Variants in SLC4A10 observed in about 807,000 individuals in gnomAD.
SLC4A10 encodes the protein solute carrier family 4 member 10, also known as sodium-driven chloride bicarbonate exchanger.
Under a neutral mutation model 137.7 loss-of-function variants are expected in SLC4A10, and 42 were observed. The ratio of observed to expected loss-of-function variants is 0.30; its 90% CI spans 0.24 to 0.39. The LOEUF is 0.39. Among genes scored for constraint, SLC4A10 ranks in the 10% least tolerant of loss-of-function variants. SLC4A10 has a pLI of 1.00. For missense variants in SLC4A10, 925 were observed against 1,355.0 expected, an observed-to-expected ratio of 0.68 and a Z score of 4.98; for synonymous variants, 474 against 464.1, an observed-to-expected ratio of 1.02 and a Z score of -0.27.
At chr2:161,775,215 T>A (rs966845403) in intron 2 of SLC4A10, among the ~76,000 whole-genome samples, 3 of 151,896 alleles carry the variant, frequency 2.0e-5, no homozygotes, top group Non-Finnish European at 4.4e-5. Flanking sequence ...CAATTGCAGC[T>A]GCCATATCAG....
At chr2:161,877,176 G>A (rs894884035) in intron 8 of SLC4A10, among the ~76,000 whole-genome samples, 6 of 151,746 alleles carry the variant, frequency 4.0e-5, no homozygotes, top group African/African-American at 1.5e-4. Flanking sequence ...AGTTGCCCGA[G>A]GCACAGACTT....
intron 5 of SLC4A10, among the ~76,000 whole-genome samples, chr2:161,858,905 G>A (rs1456938791): frequency 6.6e-6 from 1 of 152,158 alleles, no homozygotes; most frequent in Non-Finnish European, 1.5e-5. Context: ...AGAGTTGGGA[G>A]TATAGGAATA....
chr2:161,973,255 C>T (rs1401160796), intron 23 of SLC4A10, among the ~76,000 whole-genome samples: 1 of 152,046 alleles, frequency 6.6e-6, no homozygotes, highest in Non-Finnish European at 1.5e-5. Flanking sequence ...TTTTAAATGG[C>T]CTGAAGTATT....
chr2:161,754,111 C>T (rs2125320982), intron 1 of SLC4A10, among the ~76,000 whole-genome samples: 1 of 151,930 alleles, frequency 6.6e-6, no homozygotes, highest in African/African-American at 2.4e-5. Context: ...CGGGGTTTGG[C>T]TAGGCTGGTT....
chr2:161,957,094 A>T lies in SLC4A10; in HGVS notation c.2647A>T (p.Thr883Ser), dbSNP rs749289079. The change falls in exon 20 of 27, where the codon ACT becomes TCT. Residue 883 changes from threonine to serine, a missense_variant. Thr to Ser is a moderately conservative substitution (Grantham distance 58). Around this residue, in one of 11 missense-constraint regions of SLC4A10, gnomAD observed 115 missense variants for 237.5 expected, o/e 0.48. Coordinates refer to ENST00000446997, the MANE Select transcript of SLC4A10 (RefSeq NM_001178015.2). ...TGTGGCTGCCACAGTCCTCTCCATC[A>T]CTCATGTCAATAGCCTAAAACTGGA... ...WFVAATVLSI[T>S]HVNSLKLESE... 6.2e-7 allele frequency: 1 copy of T among 1,613,140 alleles called. No individual in the cohort carries two copies. Among genetic ancestry groups the T allele is most frequent in the Non-Finnish European group, 8.5e-7 (1 of 1,179,680 alleles).
chr2:161,668,022 A>C (rs2105763880), intron 1 of SLC4A10, among the ~76,000 whole-genome samples: 1 of 151,970 alleles, frequency 6.6e-6, no homozygotes, highest in African/African-American at 2.4e-5. Flanking sequence ...AAAAAGTATT[A>C]TCATTATACA....
At chr2:161,761,726 C>T (rs965143231) in intron 1 of SLC4A10, among the ~76,000 whole-genome samples, 4 of 152,178 alleles carry the variant, frequency 2.6e-5, no homozygotes, top group Middle Eastern at 3.4e-3. Context: ...TCACAGCAAC[C>T]GTCAGAAGTA....
intron 3 of SLC4A10, among the ~76,000 whole-genome samples, chr2:161,822,539 C>A (rs1244432763): frequency 6.6e-6 from 1 of 152,134 alleles, no homozygotes; most frequent in Non-Finnish European, 1.5e-5. Flanking sequence ...TCTAGACCAA[C>A]TAGTCTGAGA....
intron 1 of SLC4A10, among the ~76,000 whole-genome samples, chr2:161,673,200 T>C (rs2039922911): frequency 6.6e-6 from 1 of 152,196 alleles, no homozygotes; most frequent in South Asian, 2.1e-4. Context: ...TCTGAGGTTG[T>C]ATCTGGACTC....
At chr2:161,910,044 T>C (rs888873117) in intron 15 of SLC4A10, among the ~76,000 whole-genome samples, 2 of 152,178 alleles carry the variant, frequency 1.3e-5, no homozygotes, top group Non-Finnish European at 2.9e-5. Flanking sequence ...ATAATATATC[T>C]GAGATTGCAA....
chr2:161,979,870 A>T (rs527668365), intron 26 of SLC4A10, among the ~76,000 whole-genome samples: 4 of 152,122 alleles, frequency 2.6e-5, no homozygotes, highest in African/African-American at 9.7e-5. Flanking sequence ...CCCTTTTTTC[A>T]TGGAATTTTG....
At chr2:161,914,092 C>G (rs1686523875) in intron 15 of SLC4A10, among the ~76,000 whole-genome samples, 1 of 151,930 alleles carries the variant, frequency 6.6e-6, no homozygotes, top group Non-Finnish European at 1.5e-5. Flanking sequence ...TGTTAATCAC[C>G]CTGAACACTA....
intron 1 of SLC4A10, among the ~76,000 whole-genome samples, chr2:161,751,271 G>A (rs1400309169): frequency 6.7e-6 from 1 of 148,916 alleles, no homozygotes; most frequent in Non-Finnish European, 1.5e-5. Context: ...AGTATTTACT[G>A]TTGTCCTTTT....
chr2:161,855,882 T>C (rs2060071296), intron 5 of SLC4A10, among the ~76,000 whole-genome samples: 1 of 152,054 alleles, frequency 6.6e-6, no homozygotes, highest in African/African-American at 2.4e-5. Flanking sequence ...GTTATTAGTT[T>C]GGGAAAAAAT....
intron 6 of SLC4A10, among the ~76,000 whole-genome samples, chr2:161,871,926 A>G (rs2061153018): frequency 6.6e-6 from 1 of 152,148 alleles, no homozygotes; most frequent in Admixed American, 6.5e-5. Context: ...CTGAGCTTAC[A>G]TCTTAACAGA....
chr2:161,836,236 G>A (rs1384780765), intron 3 of SLC4A10, among the ~76,000 whole-genome samples: 2 of 152,306 alleles, frequency 1.3e-5, no homozygotes, highest in Admixed American at 1.3e-4. Context: ...GGTGGCTCAT[G>A]CCTGTAATCC....
intron 1 of SLC4A10, among the ~76,000 whole-genome samples, chr2:161,697,416 T>C (rs1484501009): frequency 6.6e-6 from 1 of 152,120 alleles, no homozygotes; most frequent in Non-Finnish European, 1.5e-5. Flanking sequence ...CTGGGTTTTC[T>C]TCTAGGGTTT....
At chr2:161,888,018 C>T (rs1041932582) in intron 10 of SLC4A10, among the ~76,000 whole-genome samples, 3 of 152,152 alleles carry the variant, frequency 2.0e-5, no homozygotes, top group African/African-American at 7.2e-5. Flanking sequence ...CTGTTTTCTG[C>T]ATATGGCTAG....
chr2:161,628,318 G>T (rs1484457114), intron 1 of SLC4A10, among the ~76,000 whole-genome samples: 1 of 151,942 alleles, frequency 6.6e-6, no homozygotes, highest in East Asian at 1.9e-4. Context: ...TCTGAAAAAG[G>T]ACTTAAGTTG....
Sources: gnomAD v4.1 joint callset for allele counts (sites outside exome capture counted in the v4.1 genomes callset) on GRCh38, gnomAD v4.1.1 for gene constraint, gnomAD v4.1.1 regional missense constraint, MANE v1.5 for transcripts, NCBI Gene and HGNC (gene_info 2026-07-23, HGNC 2026-07-21) for gene names.